ZDHHC22: variants seen among roughly 807,000 people sequenced by gnomAD.
The protein encoded by ZDHHC22 is palmitoyltransferase ZDHHC22.
ZDHHC22 carries 13 observed loss-of-function variants against 17.0 expected under a neutral mutation model. The observed-to-expected ratio is 0.76, with a 90% CI of 0.50 to 1.21. The LOEUF is 1.21. ZDHHC22 is among the 50% of genes most tolerant of loss of function. ZDHHC22 has a pLI of 0.00. For synonymous variants in ZDHHC22, 138 were observed against 154.7 expected (o/e 0.89, Z 0.80); for missense variants, 319 against 342.3 (o/e 0.93, Z 0.54).
intron 1 of ZDHHC22, 28 bp from the exon 2 acceptor site, chr14:77,139,780 T>C: frequency 6.9e-7 from 1 of 1,452,616 alleles, no homozygotes; most frequent in South Asian, 1.5e-5. Context: ...AGAAGAGGAC[T>C]GACTGACTAC....
rs886307608 is a variant in ZDHHC22 at position 77,132,925 on chromosome 14, A to G, written c.*758T>C. ...CCTGTCCCTTCTTCCTTGCCTTCCCATCATCTGGCAAAGACCTGGGGGCTG... is the reference window on the plus strand; with the variant it reads ...CCTGTCCCTTCTTCCTTGCCTTCCCGTCATCTGGCAAAGACCTGGGGGCTG... On this transcript the variant is annotated 3_prime_UTR_variant, in exon 3 of 3. Transcript: ENST00000319374. 1.3e-5 allele frequency: 2 copies of G among 151,082 alleles called. No homozygotes were observed. Among genetic ancestry groups the G allele is most frequent in the Non-Finnish European group, 2.9e-5 (2 of 67,852 alleles). The allele number at this position is 151,082 out of a possible 1,614,324, so 9.4% of individuals were successfully genotyped here. A position where few individuals can be genotyped will look rare whatever the true frequency, so the allele number is the denominator to read the frequency against.
chr14:77,132,206 G>C lies in ZDHHC22; in HGVS notation c.*1477C>G, dbSNP rs1219485203. The C allele has an allele frequency of 6.6e-6, 1 of 152,558 alleles. No individual in the cohort carries two copies. Among genetic ancestry groups the C allele is most frequent in the Non-Finnish European group, 1.5e-5 (1 of 68,160 alleles). The allele number at this position is 152,558 out of a possible 1,614,324, so 9.5% of individuals were successfully genotyped here. On this transcript the variant is annotated 3_prime_UTR_variant, in exon 3 of 3. Transcript: ENST00000319374. ...GCAGTGCCTCCACCGGAGTCAGTCA[G>C]ATGCGCAGGGATGGTCTGGGAATTG... is the stretch of plus-strand genomic sequence containing the variant.
chr14:77,135,697 AG>A (rs1452847087), intron 2 of ZDHHC22, among the ~76,000 whole-genome samples: 4 of 152,212 alleles, frequency 2.6e-5, no homozygotes, highest in African/African-American at 9.6e-5. Flanking sequence ...TGACAGGCAA[AG>A]GTGGCCCTCA....
intron 2 of ZDHHC22, among the ~76,000 whole-genome samples, chr14:77,138,794 G>GA (rs1887186066): frequency 6.6e-6 from 1 of 152,178 alleles, no homozygotes; most frequent in African/African-American, 2.4e-5. Context: ...CCAGGCAGAG[G>GA]AATGTCATAG....
intron 2 of ZDHHC22, among the ~76,000 whole-genome samples, chr14:77,136,031 A>T (rs1369068422): frequency 6.6e-6 from 1 of 152,228 alleles, no homozygotes; most frequent in South Asian, 2.1e-4. Flanking sequence ...CACATCAGTC[A>T]ATCTCCCCTG....
rs1887259532 is a variant in ZDHHC22, at chr14:77,141,676, T to C, written c.-88A>G. The C allele has an allele frequency of 6.6e-6, 1 of 152,466 alleles. No individual in the cohort carries two copies. The highest frequency in any genetic ancestry group is 1.5e-5 in the Non-Finnish European group (1 of 68,060). The allele number at this position is 152,466 out of a possible 1,614,324, so 9.4% of individuals were successfully genotyped here. On this transcript the variant is annotated 5_prime_UTR_variant, in exon 1 of 3. Transcript: ENST00000319374. ...TGCCCGAGGCTGCAAAGTTGTGGACTCGGCCCGGCTGGCTCGCAGCCTGCG... is the reference window on the plus strand; with the variant it reads ...TGCCCGAGGCTGCAAAGTTGTGGACCCGGCCCGGCTGGCTCGCAGCCTGCG...
rs1378929248 is a variant in ZDHHC22, at chr14:77,135,192, G to C, written c.527-1244C>G. On this transcript the variant is annotated intron_variant, in intron 2 of 2. Coordinates refer to ENST00000319374, the MANE Select transcript of ZDHHC22 (RefSeq NM_174976.2). ...GGCAACCCTATCACCTCCTCTGGTG[G>C]GGGGGGGGCACCTCCTCTAAGGACT... Among the ~76,000 whole-genome samples, 3 of 26,372 alleles carry C rather than the reference G, an allele frequency of 1.1e-4. No individual in the cohort carries two copies. The South Asian group carries it at 5.4e-3, about 48-fold the overall frequency. 17.3% of individuals were successfully genotyped at this position (26,372 alleles called of 152,430 possible). A position where few individuals can be genotyped will look rare whatever the true frequency, so the allele number is the denominator to read the frequency against.
chr14:77,138,432 C>T (rs920045688), intron 2 of ZDHHC22, among the ~76,000 whole-genome samples: 6 of 152,154 alleles, frequency 3.9e-5, no homozygotes, highest in Non-Finnish European at 8.8e-5. Context: ...GTGGCACGCA[C>T]CTGTAATCCC....
chr14:77,134,107 G>A (rs936223831), intron 2 of ZDHHC22, among the ~76,000 whole-genome samples, 159 bp from the exon 3 acceptor site: 4 of 152,164 alleles, frequency 2.6e-5, no homozygotes, highest in African/African-American at 9.7e-5. Context: ...GTGAGGGAGA[G>A]GAAGGAAGAA....
Position 77,139,558 on chromosome 14 carries a change from C to A in ZDHHC22, c.181G>T (p.Ala61Ser). Residue 61 changes from alanine to serine, a missense_variant, in exon 2 of 3, where the codon GCC becomes TCC. Ala to Ser is a moderately conservative substitution (Grantham distance 99). Coordinates refer to ENST00000319374, the MANE Select transcript of ZDHHC22 (RefSeq NM_174976.2). ...GALFLFLSAN[A>S]LGNYVLVIQN... ...ATGACAAGGACGTAATTGCCCAGGGCGTTGGCCGAGAGGAATAGGAAGAGC... is the reference window on the plus strand; with the variant it reads ...ATGACAAGGACGTAATTGCCCAGGGAGTTGGCCGAGAGGAATAGGAAGAGC... The A allele has an allele frequency of 6.2e-7, 1 of 1,603,908 alleles. No individual in the cohort carries two copies. Among genetic ancestry groups the A allele is most frequent in the East Asian group, 2.2e-5 (1 of 44,456 alleles).
chr14:77,133,910 G>A lies in ZDHHC22; in HGVS notation c.565C>T (p.Leu189Phe), dbSNP rs754882784. The A allele has an allele frequency of 2.5e-6, 4 of 1,609,274 alleles. No individual in the cohort carries two copies. Among genetic ancestry groups the A allele is most frequent in the African/African-American group, 1.3e-5 (1 of 74,870 alleles). ...AGGCCGATGGCGAACCAGAGGTAGA[G>A]CATGAGGATGACGAACATTTCAGAA... ...LGSEMFVILM[L>F]YLWFAIGLAC... Residue 189 changes from leucine to phenylalanine, a missense_variant, in exon 3 of 3, where the codon CTC becomes TTC. Coordinates refer to ENST00000319374, the MANE Select transcript of ZDHHC22 (RefSeq NM_174976.2).
Position 77,139,514 on chromosome 14 carries a change from G to A in ZDHHC22, c.225C>T (p.Asp75=), listed in dbSNP as rs1219934111. 1 of 1,611,424 alleles carries A rather than the reference G, an allele frequency of 6.2e-7. No individual in the cohort carries two copies. The highest frequency in any genetic ancestry group is 1.7e-5 in the Admixed American group (1 of 59,596). Residue 75 remains aspartate, a synonymous_variant, in exon 2 of 3, where the codon GAC becomes GAT. Coordinates refer to ENST00000319374, the MANE Select transcript of ZDHHC22 (RefSeq NM_174976.2). The part of the protein sequence containing the change: ...YVLVIQNSPD[D]LGACQGASAR... ...CCGAGGCCCCCTGGCAGGCCCCCAG[G>A]TCGTCTGGGGAGTTCTGGATGACAA...
In ZDHHC22 at chr14:77,139,676, C is replaced by A; in HGVS notation, c.63G>T (p.Val21=). The A allele has an allele frequency of 6.4e-7, 1 of 1,550,686 alleles. No individual in the cohort carries two copies. Among genetic ancestry groups the A allele is most frequent in the Admixed American group, 2.0e-5 (1 of 51,260 alleles). ...AGAGGAAGAGCTGCAGCACGAAGGT[C>A]ACCAGGGAGATGCACAAGAAGTAGG... is the stretch of plus-strand genomic sequence containing the variant. ...APAYFLCISL[V]TFVLQLFLFL... The change falls in exon 2 of 3, where the codon GTG becomes GTT. Residue 21 remains valine (V), a synonymous_variant. Transcript: ENST00000319374.
intron 2 of ZDHHC22, 42 bp downstream of exon 2, chr14:77,139,171 G>A (rs1378694976): frequency 6.5e-7 from 1 of 1,530,320 alleles, no homozygotes; most frequent in Non-Finnish European, 8.8e-7. Context: ...GGGGTGGGAG[G>A]TCTTTGTGTA....
In ZDHHC22 at chr14:77,133,662, G is replaced by C; in HGVS notation, c.*21C>G. The C allele has an allele frequency of 6.2e-7, 1 of 1,600,968 alleles. No homozygotes were observed. The highest frequency in any genetic ancestry group is 8.5e-7 in the Non-Finnish European group (1 of 1,172,998). On this transcript the variant is annotated 3_prime_UTR_variant, in exon 3 of 3. Transcript: ENST00000319374. ...GGAGGAGTCAAGACAGAGACAGAGA[G>C]ATAAATGACGGGAGTGTCTACTACT...
At chr14:77,136,802 T>C (rs772043877) in intron 2 of ZDHHC22, among the ~76,000 whole-genome samples, 5 of 152,204 alleles carry the variant, frequency 3.3e-5, no homozygotes, top group Admixed American at 6.5e-5. Context: ...GGTCTTGCTC[T>C]GTAGCCCAGG....
chr14:77,136,012 C>G (rs1434954689), intron 2 of ZDHHC22, among the ~76,000 whole-genome samples: 2 of 152,168 alleles, frequency 1.3e-5, no homozygotes, highest in Non-Finnish European at 2.9e-5. Flanking sequence ...CCTAATGAGC[C>G]TAAAAGGACA....
chr14:77,139,997 T>TCGCGC (rs973536795), intron 1 of ZDHHC22, among the ~76,000 whole-genome samples: 2 of 152,042 alleles, frequency 1.3e-5, no homozygotes, highest in African/African-American at 4.8e-5. Context: ...TTGAGCGAGC[T>TCGCGC]CGGCGCCTTG....
chr14:77,139,948 G>A (rs1887220360), intron 1 of ZDHHC22, among the ~76,000 whole-genome samples, 196 bp from the exon 2 acceptor site: 1 of 152,176 alleles, frequency 6.6e-6, no homozygotes, highest in African/African-American at 2.4e-5. Context: ...AGCGGCCTCG[G>A]GTCTAGGCCC....
Sources: allele counts gnomAD v4.1 joint callset (sites outside exome capture counted in the v4.1 genomes callset), GRCh38; gene constraint gnomAD v4.1.1; transcripts MANE v1.5; gene names NCBI Gene and HGNC (gene_info 2026-07-23, HGNC 2026-07-21).